UTP20: variants seen among roughly 807,000 people sequenced by gnomAD.
UTP20 encodes UTP20 small subunit processome component.
A neutral mutation model predicts 329.5 loss-of-function variants in UTP20; 164 were observed. That is an observed-to-expected ratio of 0.50 (90% CI 0.44 to 0.57). The LOEUF is 0.57. Ranked by LOEUF, UTP20 falls within the 20% of genes least tolerant of loss-of-function variation. The pLI is 0.00. For synonymous variants in UTP20, 1,151 were observed against 1,159.3 expected, an observed-to-expected ratio of 0.99 and a Z score of 0.14; for missense variants, 3,055 against 3,284.2, an observed-to-expected ratio of 0.93 and a Z score of 1.71.
intron 43 of UTP20, among the ~76,000 whole-genome samples, chr12:101,358,052 G>A (rs771736263): frequency 3.3e-5 from 5 of 152,196 alleles, no homozygotes; most frequent in Non-Finnish European, 7.3e-5. Flanking sequence ...TTTTGGTACA[G>A]TCGACGTGAT....
intron 8 of UTP20, chr12:101,291,406 G>T: frequency 5.9e-6 from 1 of 170,314 alleles, no homozygotes; most frequent in South Asian, 1.7e-4. Context: ...AATACAAAAT[G>T]GCGCATGCCT....
At chr12:101,289,164 G>A (rs150105783) in intron 6 of UTP20, 123 bp downstream of exon 6, 12,880 of 796,356 alleles carry the variant, frequency 0.016, 145 homozygotes, top group Non-Finnish European at 0.02. Flanking sequence ...ATCACCTGAG[G>A]TCAGGAATTG....
At chr12:101,342,076 G>C (rs1337415449) in intron 32 of UTP20, among the ~76,000 whole-genome samples, 1 of 152,086 alleles carries the variant, frequency 6.6e-6, no homozygotes, top group Non-Finnish European at 1.5e-5. Flanking sequence ...TTATATAAGG[G>C]ACTTAAACAT....
At chr12:101,290,491 G>A (rs192391478) in intron 7 of UTP20, among the ~76,000 whole-genome samples, 2 of 152,158 alleles carry the variant, frequency 1.3e-5, no homozygotes, top group Non-Finnish European at 2.9e-5. Flanking sequence ...TGGATGCTAG[G>A]GGGTAAGATA....
chr12:101,354,286 A>G (rs34385818), intron 40 of UTP20, among the ~76,000 whole-genome samples: 1 of 100,182 alleles, frequency 1.0e-5, no homozygotes, highest in South Asian at 3.2e-4. Context: ...AAAAAAAAAG[A>G]AAAGAAATTC....
Position 101,383,305 on chromosome 12 carries a change from C to A in UTP20, c.7921C>A (p.Pro2641Thr), listed in dbSNP as rs776566190. Reference protein sequence around the residue: ...KLEAAYSPRNPLKRTCIFKFL... With the variant: ...KLEAAYSPRNTLKRTCIFKFL... ...GGAAGCTGCTTATTCGCCGAGAAAC[C>A]CCTTAAAGGTGCGATGAATGCACAG... The change falls in exon 59 of 62, where the codon CCC becomes ACC. Residue 2641 changes from proline to threonine, a missense_variant. Around this residue, in one of 3 missense-constraint regions of UTP20, gnomAD observed 337 missense variants for 345.5 expected, o/e 0.98. Coordinates refer to ENST00000261637, the MANE Select transcript of UTP20 (RefSeq NM_014503.3). 1.2e-6 allele frequency: 2 copies of A among 1,612,966 alleles called. No individual in the cohort carries two copies. The highest frequency in any genetic ancestry group is 1.7e-4 in the Middle Eastern group (1 of 6,052).
At chr12:101,371,811 C>G (rs565009763) in intron 51 of UTP20, among the ~76,000 whole-genome samples, 1 of 152,024 alleles carries the variant, frequency 6.6e-6, no homozygotes, top group Admixed American at 6.5e-5. Context: ...GGATTACAGG[C>G]GTGAGCCATG....
chr12:101,367,056 G>T (rs1870117134), intron 47 of UTP20, among the ~76,000 whole-genome samples: 1 of 151,972 alleles, frequency 6.6e-6, no homozygotes. Context: ...AAGGCAGGAG[G>T]ATCACTTGAG....
chr12:101,354,765 C>A, intron 40 of UTP20, 67 bp from the exon 41 acceptor site: 1 of 1,522,322 alleles, frequency 6.6e-7, no homozygotes. Flanking sequence ...GTGGGAAAAA[C>A]TGCTTACCAC....
chr12:101,281,311 AC>A (rs1871790265), intron 2 of UTP20, 115 bp downstream of exon 2: 1 of 896,952 alleles, frequency 1.1e-6, no homozygotes, highest in South Asian at 1.8e-5. Flanking sequence ...AATGCTTTAG[AC>A]CTGTGCTGTT....
At chr12:101,320,783 A>G in intron 23 of UTP20, 69 bp from the exon 24 acceptor site, 1 of 1,342,236 alleles carries the variant, frequency 7.5e-7, no homozygotes, top group Non-Finnish European at 1.0e-6. Flanking sequence ...GCAAATAACC[A>G]CAAGTAAATT....
intron 17 of UTP20, among the ~76,000 whole-genome samples, chr12:101,307,294 T>TACACACACACACAC (rs35767250): frequency 2.7e-5 from 4 of 146,864 alleles, no homozygotes; most frequent in African/African-American, 5.1e-5. Context: ...ACTTTTTGAA[T>TACACACACACACAC]ACACACACAC....
At chr12:101,291,627 T>G (rs1157174751) in intron 8 of UTP20, 115 bp from the exon 9 acceptor site, 2 of 1,148,846 alleles carry the variant, frequency 1.7e-6, no homozygotes, top group Non-Finnish European at 2.3e-6. Flanking sequence ...TAAATGTATC[T>G]TTTTCTTCCA....
rs145721583 is a variant in UTP20, at chr12:101,290,843, C to G, written c.846C>G (p.Ser282=). The change falls in exon 8 of 62, where the codon TCC becomes TCG. Residue 282 remains serine (S), a synonymous_variant. Coordinates refer to ENST00000261637, the MANE Select transcript of UTP20 (RefSeq NM_014503.3). ...TLKNMVKSTV[S]YISKEHFGTF... is the part of the protein sequence containing the mutation. The stretch of plus-strand genomic sequence containing the variant: ...AAAACATGGTCAAATCCACTGTATC[C>G]TACATCTCCAAGGAACATTTTGGTA... 4.8e-5 allele frequency: 78 copies of G among 1,613,656 alleles called. No individual in the cohort carries two copies. Among genetic ancestry groups the G allele is most frequent in the Non-Finnish European group, 6.6e-5 (78 of 1,179,870 alleles).
At chr12:101,288,874 C>T in intron 5 of UTP20, 86 bp from the exon 6 acceptor site, 1 of 1,197,616 alleles carries the variant, frequency 8.3e-7, no homozygotes, top group Admixed American at 2.1e-5. Context: ...ATACCCAGCA[C>T]ATTGTTGCCC....
intron 3 of UTP20, 31 bp from the exon 4 acceptor site, chr12:101,285,718 A>G: frequency 6.2e-7 from 1 of 1,613,198 alleles, no homozygotes; most frequent in Non-Finnish European, 8.5e-7. Context: ...GGTGTGATAG[A>G]AAAGAACATA....
chr12:101,294,236 C>T (rs1872271659), intron 11 of UTP20, among the ~76,000 whole-genome samples: 1 of 152,074 alleles, frequency 6.6e-6, no homozygotes. Context: ...GGGGTTTCAC[C>T]ATGTTAGCCA....
intron 1 of UTP20, among the ~76,000 whole-genome samples, chr12:101,280,822 G>T (rs1337492115): frequency 6.6e-6 from 1 of 152,156 alleles, no homozygotes; most frequent in East Asian, 1.9e-4. Context: ...TTATGGGAGG[G>T]TATGAAACCT....
intron 11 of UTP20, 82 bp downstream of exon 11, chr12:101,293,327 C>T: frequency 7.4e-7 from 1 of 1,351,902 alleles, no homozygotes; most frequent in Non-Finnish European, 1.0e-6. Flanking sequence ...CCTGTTATTT[C>T]TGTTTGTTTT....
Sources: gnomAD v4.1 joint callset for allele counts (sites outside exome capture counted in the v4.1 genomes callset) on GRCh38, gnomAD v4.1.1 for gene constraint, gnomAD v4.1.1 regional missense constraint, MANE v1.5 for transcripts, NCBI Gene and HGNC (gene_info 2026-07-23, HGNC 2026-07-21) for gene names.